SLC2A11: variants seen among roughly 807,000 people sequenced by gnomAD.
SLC2A11 encodes solute carrier family 2 member 11.
In SLC2A11, 43 loss-of-function variants were observed where a neutral mutation model predicts 52.1. That is an observed-to-expected ratio of 0.82 (90% CI 0.65 to 1.06). The LOEUF is 1.06. Ranked by LOEUF, SLC2A11 falls within the 50% of genes least tolerant of loss-of-function variation. The pLI is 0.00. For missense variants in SLC2A11, 582 were observed against 654.2 expected (o/e 0.89, Z 1.20); for synonymous variants, 261 against 277.6 (o/e 0.94, Z 0.59).
intron 3 of SLC2A11, among the ~76,000 whole-genome samples, chr22:23,874,913 G>A (rs1369665714): frequency 6.6e-6 from 1 of 152,204 alleles, no homozygotes; most frequent in Non-Finnish European, 1.5e-5. Context: ...TAAAAATTAT[G>A]TGTTACAACA....
rs1279421603 is a variant in SLC2A11 at position 23,884,480 on chromosome 22, A to G, written c.1299+51A>G. On this transcript the variant is annotated intron_variant, in intron 11 of 11. Coordinates refer to ENST00000316185, the MANE Select transcript of SLC2A11 (RefSeq NM_001024939.4). This position sits in a 1 kb window ranked among gnomAD's most constrained non-coding sequence, Gnocchi z 4.3. ...CCCTGCCTTAGGCTGTGTCCCTGTC[A>G]TCCTGAGAACCCCAGGGGGAGGCTT... 8.2e-6 allele frequency: 13 copies of G among 1,589,224 alleles called. No homozygotes were observed. The highest frequency in any genetic ancestry group is 1.1e-5 in the Non-Finnish European group (13 of 1,165,500).
At chr22:23,857,726 T>C (rs998001532), upstream of SLC2A11, 2 of 1,246,596 alleles carry the variant, frequency 1.6e-6, no homozygotes, top group African/African-American at 3.0e-5. Flanking sequence ...GCGCCTGAGC[T>C]TGAGTCTCAG....
chr22:23,857,680 GC>G (rs1210326679), upstream of SLC2A11: 11 of 1,133,154 alleles, frequency 9.7e-6, no homozygotes, highest in Non-Finnish European at 1.4e-5. Context: ...CGCCTCAGGC[GC>G]CCTCCGCGAC....
intron 2 of SLC2A11, chr22:23,865,774 G>C (rs964247240): frequency 6.6e-6 from 1 of 152,204 alleles, no homozygotes; most frequent in Non-Finnish European, 1.5e-5. Context: ...AGATGTGGAG[G>C]ATGAGGATTC....
At chr22:23,864,563 G>A (rs1489680772) in intron 2 of SLC2A11, among the ~76,000 whole-genome samples, 4 of 152,000 alleles carry the variant, frequency 2.6e-5, no homozygotes, top group Admixed American at 6.5e-5. Flanking sequence ...CAGGCGATCC[G>A]CCTGCCTTGG....
rs546616083 is a variant in SLC2A11, at chr22:23,861,137, G to A, written c.31-967G>A. Among the ~76,000 whole-genome samples, 10 of 151,562 alleles carry A rather than the reference G, an allele frequency of 6.6e-5. No individual in the cohort carries two copies. In the East Asian group the frequency reaches 1.2e-3, roughly 18 times the overall value. On this transcript the variant is annotated intron_variant, in intron 1 of 11. Coordinates refer to ENST00000316185, the MANE Select transcript of SLC2A11 (RefSeq NM_001024939.4). ...TGGGATTACAGGCATGAGCCACTGC[G>A]CCCGGCCAATTTTTGTGTTTTTAGT... is the stretch of plus-strand genomic sequence containing the variant.
intron 6 of SLC2A11, chr22:23,881,013 G>A (rs139090320): frequency 3.3e-5 from 5 of 151,396 alleles, no homozygotes; most frequent in African/African-American, 7.3e-5. Flanking sequence ...CCTCTGCCTC[G>A]TCTTGGAACT....
chr22:23,884,892 C>G lies in SLC2A11; in HGVS notation c.*43C>G, dbSNP rs1210736433. On this transcript the variant is annotated 3_prime_UTR_variant, in exon 12 of 12. Transcript: ENST00000316185. The surrounding 1 kb of genome is among the most constrained non-coding windows in gnomAD (Gnocchi z 4.3). ...GAGCCAAAGCCAGCTACTGTCCTGTCCTCTGCTTCCTGCCAGGGCCCTGGT... is the reference window on the plus strand; with the variant it reads ...GAGCCAAAGCCAGCTACTGTCCTGTGCTCTGCTTCCTGCCAGGGCCCTGGT... The G allele has an allele frequency of 1.3e-6, 2 of 1,550,038 alleles. No homozygotes were observed. Among genetic ancestry groups the G allele is most frequent in the Non-Finnish European group, 1.8e-6 (2 of 1,128,966 alleles).
rs2032578569 is a variant in SLC2A11 at position 23,875,193 on chromosome 22, T to C, written c.367T>C (p.Ser123Pro). The change falls in exon 4 of 12, where the codon TCC (serine) becomes CCC (proline). Residue 123 changes from serine to proline, a missense_variant. Transcript: ENST00000316185. ...ILFGFSRKAG[S>P]FEMIMLGRLL... Reference sequence around the variant, plus strand: ...GTTTGGATTCAGCCGCAAAGCAGGCTCCTTTGAGATGATCATGCTGGGAAG... The same window carrying C: ...GTTTGGATTCAGCCGCAAAGCAGGCCCCTTTGAGATGATCATGCTGGGAAG... The C allele has an allele frequency of 6.3e-7, 1 of 1,577,576 alleles. No individual in the cohort carries two copies. The highest frequency in any genetic ancestry group is 8.6e-7 in the Non-Finnish European group (1 of 1,159,260).
chr22:23,857,132 T>G, upstream of SLC2A11: 1 of 1,188,306 alleles, frequency 8.4e-7, no homozygotes, highest in Non-Finnish European at 1.2e-6. Context: ...GGCTTGGCCC[T>G]CCGGAGAACG....
At chr22:23,877,980 T>A in intron 6 of SLC2A11, 111 bp downstream of exon 6, 1 of 1,297,380 alleles carries the variant, frequency 7.7e-7, no homozygotes, top group Non-Finnish European at 1.0e-6. Context: ...AAGCTATCCC[T>A]CTCTTTGTGC....
At position 23,860,294 on chromosome 22, in the gene SLC2A11, G is replaced by A. The variant is rs371601387; in HGVS notation, c.31-1810G>A. Among the ~76,000 whole-genome samples, 11 of 149,812 alleles carry A rather than the reference G, an allele frequency of 7.3e-5. No homozygotes were observed. The East Asian group carries it at 1.5e-3, about 21-fold the overall frequency. On this transcript the variant is annotated intron_variant, in intron 1 of 11. Coordinates refer to ENST00000316185, the MANE Select transcript of SLC2A11 (RefSeq NM_001024939.4). ...CCCAGCATGATGGTGTGTGCCTGTA[G>A]TCCCAGCTACTTGGGGGGCTGAGGT... is the stretch of plus-strand genomic sequence containing the variant.
At chr22:23,857,717 C>T, upstream of SLC2A11, 2 of 748,502 alleles carry the variant, frequency 2.7e-6, no homozygotes, top group Non-Finnish European at 3.3e-6. Context: ...CGCTTCACTG[C>T]GCCTGAGCTT....
chr22:23,877,505 G>A, intron 5 of SLC2A11: 1 of 775,504 alleles, frequency 1.3e-6, no homozygotes, highest in Non-Finnish European at 2.3e-6. Context: ...CCCTTGGGAA[G>A]AGGAGTTGCT....
intron 1 of SLC2A11, among the ~76,000 whole-genome samples, chr22:23,861,290 C>CAAAAAAAAAAACAAAAAAAAAA: frequency 2.8e-5 from 1 of 35,620 alleles, no homozygotes; most frequent in Non-Finnish European, 5.5e-5. Context: ...GACTCAGTCT[C>CAAAAAAAAAAACAAAAAAAAAA]AAAAAAAAAA....
In SLC2A11 at chr22:23,885,082, G is replaced by A; in HGVS notation, c.*233G>A. The A allele has an allele frequency of 1.8e-6, 1 of 562,096 alleles. No individual in the cohort carries two copies. Among genetic ancestry groups the A allele is most frequent in the South Asian group, 2.4e-5 (1 of 41,682 alleles). 34.8% of individuals were successfully genotyped at this position (562,096 alleles called of 1,614,324 possible). A position where few individuals can be genotyped will look rare whatever the true frequency, so the allele number is the denominator to read the frequency against. ...ACAACATAATTACAGGCTGGTTGTGGCAGCTCATGACTGTAATCCCAGCAC... is the reference window on the plus strand; with the variant it reads ...ACAACATAATTACAGGCTGGTTGTGACAGCTCATGACTGTAATCCCAGCAC... On this transcript the variant is annotated 3_prime_UTR_variant, in exon 12 of 12. Transcript: ENST00000316185.
chr22:23,868,419 T>C, intron 2 of SLC2A11, 62 bp from the exon 3 acceptor site: 1 of 1,589,298 alleles, frequency 6.3e-7, no homozygotes, highest in South Asian at 1.1e-5. Context: ...GGAGAAGGCT[T>C]GTTTCATCTA....
intron 2 of SLC2A11, chr22:23,868,225 G>T: frequency 3.8e-6 from 2 of 527,236 alleles, no homozygotes; most frequent in East Asian, 3.0e-5. Context: ...TAGTGTTTTC[G>T]CAGAGAGGGG....
chr22:23,864,916 T>A (rs998281619), intron 2 of SLC2A11, among the ~76,000 whole-genome samples: 5 of 151,486 alleles, frequency 3.3e-5, no homozygotes, highest in African/African-American at 1.2e-4. Context: ...GAGACCAGCC[T>A]GGCCAACATG....
Sources: gnomAD v4.1 joint callset for allele counts (sites outside exome capture counted in the v4.1 genomes callset) on GRCh38, gnomAD v4.1.1 for gene constraint, Gnocchi (gnomAD v3.1) non-coding constraint, MANE v1.5 for transcripts, NCBI Gene and HGNC (gene_info 2026-07-23, HGNC 2026-07-21) for gene names.